Variants in MCF2L2 observed in about 807,000 individuals in gnomAD.
MCF2L2 encodes the protein MCF.2 cell line derived transforming sequence-like 2.
Under a neutral mutation model 150.2 loss-of-function variants are expected in MCF2L2, and 102 were observed. The observed-to-expected ratio is 0.68, with a 90% confidence interval of 0.58 to 0.80. The LOEUF is 0.80. MCF2L2 is among the 30% of genes least tolerant of loss of function. The probability of loss-of-function intolerance (pLI) is 0.00; values close to 1 mark genes in which losing one functional copy is unlikely to be tolerated. For missense variants in MCF2L2, 1,256 were observed against 1,372.8 expected (o/e 0.91, Z 1.34); for synonymous variants, 465 against 491.3 (o/e 0.95, Z 0.71).
chr3:183,243,283 T>C lies in MCF2L2; in HGVS notation c.1863-12266A>G, dbSNP rs1203913742. ...GAGGGGCCGGGGTGAAATGATATGG[T>C]TTGTCTCTGTGTCCCCAGCTTCATC... On this transcript the variant is annotated intron_variant, in intron 15 of 29. Transcript: ENST00000328913. 4.6e-5 allele frequency among the ~76,000 whole-genome samples: 7 copies of C among 152,172 alleles called. No individual in the cohort carries two copies. In the East Asian group the frequency reaches 1.4e-3, roughly 29 times the overall value.
chr3:183,232,154 G>A (rs146399428), intron 15 of MCF2L2, among the ~76,000 whole-genome samples: 1 of 152,312 alleles, frequency 6.6e-6, no homozygotes, highest in East Asian at 1.9e-4. Context: ...CTTTTGAGAT[G>A]GAGGGGGCCA....
At position 183,309,797 on chromosome 3, in the gene MCF2L2, T is replaced by G. The variant is rs764641163; in HGVS notation, c.1032A>C (p.Ala344=). 3.1e-6 allele frequency: 5 copies of G among 1,613,924 alleles called. No individual in the cohort carries two copies. The highest frequency in any genetic ancestry group is 4.2e-6 in the Non-Finnish European group (5 of 1,180,024). The change falls in exon 10 of 30, where the codon GCA becomes GCC. Residue 344 remains alanine (A), a synonymous_variant. Coordinates refer to ENST00000328913, the MANE Select transcript of MCF2L2 (RefSeq NM_015078.4). ...CGCTGTCTCCAATGCCTGTAAACTC[T>G]GCTTGCTCTTCCAGCAAATTATCCA... ...LALDNLLEEQ[A]EFTGIGDSVM... is the part of the protein sequence containing the mutation.
At chr3:183,188,687 G>C (rs1445408573) in intron 27 of MCF2L2, among the ~76,000 whole-genome samples, 3 of 152,198 alleles carry the variant, frequency 2.0e-5, no homozygotes, top group African/African-American at 7.2e-5. Flanking sequence ...GTGTTATACA[G>C]CCTGGCGCGC....
chr3:183,276,953 T>A lies in MCF2L2; in HGVS notation c.1781A>T (p.Glu594Val), dbSNP rs371202664. ...TTCATGATGGCTTTCAAAGATTTCTTCACTCTGAAGTGAAAGAAATTTTGG... is the reference window on the plus strand; with the variant it reads ...TTCATGATGGCTTTCAAAGATTTCTACACTCTGAAGTGAAAGAAATTTTGG... ...DDETKFEVKS[E>V]EIFESHHERG... The change falls in exon 15 of 30, where the codon GAA becomes GTA. Residue 594 changes from glutamate to valine, a missense_variant. Glu to Val is a moderately radical substitution (Grantham distance 121). Transcript: ENST00000328913. 3 of 1,604,054 alleles carry A rather than the reference T, an allele frequency of 1.9e-6. No individual in the cohort carries two copies. Among genetic ancestry groups the A allele is most frequent in the Non-Finnish European group, 2.6e-6 (3 of 1,174,184 alleles).
chr3:183,311,441 GA>G (rs946357671), intron 8 of MCF2L2, among the ~76,000 whole-genome samples: 1 of 152,172 alleles, frequency 6.6e-6, no homozygotes, highest in African/African-American at 2.4e-5. Flanking sequence ...ATACATTGAA[GA>G]GGGGGGAATA....
Position 183,207,783 on chromosome 3 carries a change from G to T in MCF2L2, c.2537C>A (p.Pro846His). ...GKLGKLLLHG[P>H]FSVWTIHKDR... Reference sequence around the variant, plus strand: ...CTTGTGAATTGTCCAGACGCTGAAAGGGCCGTGCAGCAACAGCTTGCCTAG... The same window carrying T: ...CTTGTGAATTGTCCAGACGCTGAAATGGCCGTGCAGCAACAGCTTGCCTAG... The change falls in exon 23 of 30, where the codon CCT (proline) becomes CAT (histidine). Residue 846 changes from proline to histidine, a missense_variant. By Grantham distance (77) the Pro-to-His change is moderately conservative. Coordinates refer to ENST00000328913, the MANE Select transcript of MCF2L2 (RefSeq NM_015078.4). The T allele has an allele frequency of 6.2e-7, 1 of 1,614,216 alleles. No homozygotes were observed. The highest frequency in any genetic ancestry group is 1.1e-5 in the South Asian group (1 of 91,088).
chr3:183,324,809 T>A (rs1015249201), intron 5 of MCF2L2, among the ~76,000 whole-genome samples: 13 of 151,990 alleles, frequency 8.6e-5, no homozygotes, highest in Admixed American at 3.9e-4. Context: ...TCAACAGATA[T>A]GTATTGAACT....
rs4859114 is a variant in MCF2L2 at position 183,350,866 on chromosome 3, G to A, written c.276-9236C>T. 3.8e-4 allele frequency among the ~76,000 whole-genome samples: 57 copies of A among 150,978 alleles called. No homozygotes were observed. In the South Asian group the frequency reaches 9.8e-3, roughly 26 times the overall value. ...TTACAGTGAGCCCAGATAGCGCCAC[G>A]GCACTCCAGCCTGGGCGACAGAGCG... is the stretch of plus-strand genomic sequence containing the variant. On this transcript the variant is annotated intron_variant, in intron 3 of 29. Coordinates refer to ENST00000328913, the MANE Select transcript of MCF2L2 (RefSeq NM_015078.4).
At chr3:183,321,375 T>G (rs1729802813) in intron 6 of MCF2L2, among the ~76,000 whole-genome samples, 1 of 149,884 alleles carries the variant, frequency 6.7e-6, no homozygotes, top group African/African-American at 2.5e-5. Flanking sequence ...GAGGCTGAGG[T>G]TTCAGTGAGC....
rs375053168 is a variant in MCF2L2 at position 183,219,878 on chromosome 3, C to A, written c.2348G>T (p.Gly783Val). The change falls in exon 21 of 30, where the codon GGT (glycine) becomes GTT (valine). Residue 783 changes from glycine (G) to valine (V), a missense_variant. Transcript: ENST00000328913. Reference protein sequence around the residue: ...ESPEDMEIDPGELGGSAKDGP... With the variant: ...ESPEDMEIDPVELGGSAKDGP... ...TACCTTAGCCGAGCCTCCTAGTTCA[C>A]CTGGGTCTATCTCCATATCTTCAGG... 18 of 1,613,276 alleles carry A rather than the reference C, an allele frequency of 1.1e-5. No individual in the cohort carries two copies. In the African/African-American group the frequency reaches 2.4e-4, roughly 22 times the overall value.
chr3:183,184,539 T>C (rs924247519), intron 27 of MCF2L2, among the ~76,000 whole-genome samples: 4 of 152,156 alleles, frequency 2.6e-5, no homozygotes, highest in African/African-American at 9.7e-5. Flanking sequence ...GTGAGAGTAT[T>C]CTCTTTTGAA....
chr3:183,420,805 C>G (rs368858238), intron 1 of MCF2L2, among the ~76,000 whole-genome samples: 2 of 152,118 alleles, frequency 1.3e-5, no homozygotes, highest in Non-Finnish European at 2.9e-5. Context: ...CCATCAGAAC[C>G]CGTGAGAGCT....
At chr3:183,400,484 G>T (rs1714693352) in intron 1 of MCF2L2, 1 of 456,398 alleles carries the variant, frequency 2.2e-6, no homozygotes, top group African/African-American at 2.0e-5. Context: ...TCATGCACCA[G>T]ACCACGACTG....
intron 14 of MCF2L2, among the ~76,000 whole-genome samples, chr3:183,282,836 T>A (rs1041888148): frequency 6.6e-6 from 1 of 152,204 alleles, no homozygotes; most frequent in Admixed American, 6.5e-5. Flanking sequence ...GCCACACAGC[T>A]ACAAGGCCAG....
intron 3 of MCF2L2, among the ~76,000 whole-genome samples, chr3:183,370,334 C>G (rs6765698): frequency 0.32 from 48,329 of 152,198 alleles, 11,769 homozygotes; most frequent in African/African-American, 0.68. Context: ...GTGAGCTGGG[C>G]CTCAGTAGTG....
chr3:183,246,395 G>T (rs532211787), intron 15 of MCF2L2, among the ~76,000 whole-genome samples: 4 of 152,190 alleles, frequency 2.6e-5, no homozygotes, highest in African/African-American at 9.6e-5. Context: ...CTTTCTGTAT[G>T]AATTTTCCTA....
At chr3:183,319,229 T>C (rs1729714597) in intron 6 of MCF2L2, among the ~76,000 whole-genome samples, 1 of 152,242 alleles carries the variant, frequency 6.6e-6, no homozygotes, top group African/African-American at 2.4e-5. Context: ...TCACTTTTTT[T>C]GCTCATCCGT....
chr3:183,272,655 C>G, intron 15 of MCF2L2: 1 of 1,002,572 alleles, frequency 1.0e-6, no homozygotes, highest in South Asian at 4.7e-5. Flanking sequence ...GGTTTTAGAT[C>G]ATTACAGTTT....
rs770404604 is a variant in MCF2L2, at chr3:183,270,522, G to A, written c.1862+6350C>T. The A allele has an allele frequency of 1.2e-6, 2 of 1,614,148 alleles. No individual in the cohort carries two copies. The highest frequency in any genetic ancestry group is 2.2e-5 in the South Asian group (2 of 91,080). On this transcript the variant is annotated intron_variant, in intron 15 of 29. Coordinates refer to ENST00000328913, the MANE Select transcript of MCF2L2 (RefSeq NM_015078.4). The surrounding 1 kb of genome is among the most constrained non-coding windows in gnomAD (Gnocchi z 4.5). Reference sequence around the variant, plus strand: ...AAGCAGCAAATACTACGTGTCCTATGAAATGTACCAGTGGCCAGCTTACCC... The same window carrying A: ...AAGCAGCAAATACTACGTGTCCTATAAAATGTACCAGTGGCCAGCTTACCC...
Sources: allele counts gnomAD v4.1 joint callset (sites outside exome capture counted in the v4.1 genomes callset), GRCh38; gene constraint gnomAD v4.1.1; non-coding constraint Gnocchi (gnomAD v3.1); transcripts MANE v1.5; gene names NCBI Gene and HGNC (gene_info 2026-07-23, HGNC 2026-07-21).